Variants in NEBL observed in about 807,000 individuals in gnomAD.
NEBL encodes the protein LIM and SH3 protein 2.
Under a neutral mutation model 140.2 loss-of-function variants are expected in NEBL, and 122 were observed. The ratio of observed to expected loss-of-function variants is 0.87; its 90% CI spans 0.75 to 1.01. The LOEUF (loss-of-function observed/expected upper bound fraction) is 1.01. Among genes scored for constraint, NEBL ranks in the 50% least tolerant of loss-of-function variants. The pLI, the probability that NEBL is intolerant of heterozygous loss-of-function variation, is 0.00. For missense variants in NEBL, 1,365 were observed against 1,231.3 expected, an observed-to-expected ratio of 1.11 and a Z score of -1.62; for synonymous variants, 436 against 398.9, an observed-to-expected ratio of 1.09 and a Z score of -1.11.
At chr10:20,860,711 C>T (rs1027571961) in intron 7 of NEBL, among the ~76,000 whole-genome samples, 4 of 152,020 alleles carry the variant, frequency 2.6e-5, no homozygotes, top group African/African-American at 9.7e-5. Flanking sequence ...ATAATTATTA[C>T]CATGTTTGGT....
Position 20,819,354 on chromosome 10 carries a change from C to A in NEBL, c.2055+70G>T, listed in dbSNP as rs570129326. The stretch of plus-strand genomic sequence containing the variant: ...TAGTTTGCTAAGGATAATGGCCTTC[C>A]AAAGGGCATATTTTTAAATAAAAAT... On this transcript the variant is annotated intron_variant, in intron 20 of 27. Transcript: ENST00000377122. The A allele has an allele frequency of 2.6e-5, 42 of 1,606,184 alleles. 1 individual carries two copies. The South Asian group carries it at 4.4e-4, about 17-fold the overall frequency.
At chr10:20,873,687 T>C (rs1355860585) in intron 5 of NEBL, among the ~76,000 whole-genome samples, 1 of 152,224 alleles carries the variant, frequency 6.6e-6, no homozygotes, top group East Asian at 1.9e-4. Context: ...AATCATAACA[T>C]CTGCTAAATT....
intron 4 of NEBL, among the ~76,000 whole-genome samples, chr10:20,882,373 G>C (rs1003255800): frequency 2.6e-5 from 4 of 151,392 alleles, no homozygotes; most frequent in Admixed American, 6.6e-5. Context: ...GAAAGTAAAA[G>C]AAAAAGAAAA....
intron 3 of NEBL, among the ~76,000 whole-genome samples, chr10:21,195,728 C>G (rs1438070142): frequency 6.6e-6 from 1 of 152,134 alleles, no homozygotes. Context: ...GTGAACTAGT[C>G]AAGTTTAAAA....
intron 1 of NEBL, among the ~76,000 whole-genome samples, chr10:21,265,917 G>A (rs938364426): frequency 6.6e-6 from 1 of 152,208 alleles, no homozygotes; most frequent in Non-Finnish European, 1.5e-5. Context: ...GAGCCCTTGT[G>A]TAGAACACAC....
Position 21,255,510 on chromosome 10 carries a change from T to C in NEBL, n.183-3682A>G, listed in dbSNP as rs538023356. ...GATTTAAATTTAAATTCATTAACAA[T>C]AAATAAAATTGTAAATTTGGGTTCC... On this transcript the variant is annotated intron_variant and non_coding_transcript_variant, in intron 1 of 8. Transcript: ENST00000675702. Among the ~76,000 whole-genome samples, 11 of 152,310 alleles carry C rather than the reference T, an allele frequency of 7.2e-5. No individual in the cohort carries two copies. In the East Asian group the frequency reaches 2.1e-3, roughly 29 times the overall value.
chr10:21,218,018 C>T (rs1293810300), intron 3 of NEBL: 3 of 152,280 alleles, frequency 2.0e-5, no homozygotes, highest in Non-Finnish European at 4.4e-5. Context: ...TGAGTTCTGA[C>T]CTGGTCGGTG....
chr10:20,896,933 G>A, intron 2 of NEBL, 25 bp downstream of exon 2: 1 of 1,605,310 alleles, frequency 6.2e-7, no homozygotes, highest in Non-Finnish European at 8.5e-7. Context: ...TGCAAAATAA[G>A]ACAAAAATTA....
chr10:21,263,730 C>G (rs1017335070), intron 1 of NEBL, among the ~76,000 whole-genome samples: 4 of 152,096 alleles, frequency 2.6e-5, no homozygotes, highest in Non-Finnish European at 5.9e-5. Flanking sequence ...TTTGAGAGGC[C>G]GAGGCAGGCG....
At chr10:20,977,163 C>T (rs1015555744) in intron 3 of NEBL, among the ~76,000 whole-genome samples, 13 of 152,114 alleles carry the variant, frequency 8.5e-5, no homozygotes, top group African/African-American at 3.1e-4. Context: ...TTCCAAAGGC[C>T]GACCTCCATT....
At chr10:21,253,125 G>A (rs1421268871) in intron 1 of NEBL, among the ~76,000 whole-genome samples, 2 of 152,190 alleles carry the variant, frequency 1.3e-5, no homozygotes, top group African/African-American at 4.8e-5. Context: ...AGCTGGGCAT[G>A]ATGGCAGGCA....
At chr10:20,814,940 A>G (rs188698000) in intron 22 of NEBL, among the ~76,000 whole-genome samples, 1 of 152,352 alleles carries the variant, frequency 6.6e-6, no homozygotes, top group East Asian at 1.9e-4. Flanking sequence ...GCTGATTCTC[A>G]GGCAAACAGC....
intron 26 of NEBL, among the ~76,000 whole-genome samples, 194 bp from the exon 27 acceptor site, chr10:20,787,502 TAAAG>T (rs1276566855): frequency 6.6e-6 from 1 of 152,212 alleles, no homozygotes. Flanking sequence ...TAGGGACACA[TAAAG>T]AAACTCAGCT....
intron 2 of NEBL, among the ~76,000 whole-genome samples, chr10:21,061,505 T>C (rs1482848902): frequency 1.3e-5 from 2 of 148,174 alleles, no homozygotes; most frequent in Non-Finnish European, 3.0e-5. Flanking sequence ...TATCATATAT[T>C]ACATTATATA....
At chr10:20,795,105 C>A (rs11012342) in intron 26 of NEBL, among the ~76,000 whole-genome samples, 1,757 of 147,522 alleles carry the variant, frequency 0.012, 25 homozygotes, top group African/African-American at 0.04. Context: ...TCAAAATAAC[C>A]ACTGTGAATT....
At chr10:20,886,278 T>G (rs898508179) in intron 4 of NEBL, among the ~76,000 whole-genome samples, 1 of 152,092 alleles carries the variant, frequency 6.6e-6, no homozygotes, top group African/African-American at 2.4e-5. Flanking sequence ...ATCCCTGCAC[T>G]TTGGGAGTCT....
intron 4 of NEBL, among the ~76,000 whole-genome samples, chr10:20,951,832 G>A (rs1835482576): frequency 6.6e-6 from 1 of 152,138 alleles, no homozygotes. Flanking sequence ...AATAAAATCT[G>A]GAAGAAAATT....
At chr10:21,150,796 T>C (rs1840107237) in intron 2 of NEBL, among the ~76,000 whole-genome samples, 1 of 152,178 alleles carries the variant, frequency 6.6e-6, no homozygotes, top group Non-Finnish European at 1.5e-5. Flanking sequence ...ATGAAAACTT[T>C]CTTCAGATGT....
Position 21,173,688 on chromosome 10 carries a change from C to T in NEBL, c.69+77G>A. The stretch of plus-strand genomic sequence containing the variant: ...CCGACCCACTCATTGCTTTCCATCC[C>T]AGGTGCCAAAACTTCTCGAAGCAGG... On this transcript the variant is annotated intron_variant, in intron 1 of 6. Transcript: ENST00000417816. The surrounding 1 kb of genome is among the most constrained non-coding windows in gnomAD (Gnocchi z 5.7). 1.2e-6 allele frequency: 2 copies of T among 1,605,850 alleles called. No individual in the cohort carries two copies. Among genetic ancestry groups the T allele is most frequent in the Non-Finnish European group, 1.7e-6 (2 of 1,178,888 alleles).
Sources: gnomAD v4.1 joint callset for allele counts (sites outside exome capture counted in the v4.1 genomes callset) on GRCh38, gnomAD v4.1.1 for gene constraint, Gnocchi (gnomAD v3.1) non-coding constraint, MANE v1.5 for transcripts, NCBI Gene and HGNC (gene_info 2026-07-23, HGNC 2026-07-21) for gene names.